Variants in TIAM1 observed in about 807,000 individuals in gnomAD.
TIAM1 encodes TIAM Rac1 associated GEF 1.
TIAM1 carries 65 observed loss-of-function variants against 163.5 expected under a neutral mutation model. The ratio of observed to expected loss-of-function variants is 0.40; its 90% CI spans 0.33 to 0.49. The LOEUF (loss-of-function observed/expected upper bound fraction) is 0.49. Ranked by LOEUF, TIAM1 falls within the 20% of genes least tolerant of loss-of-function variation. TIAM1 has a pLI of 0.77. For missense variants in TIAM1, 1,789 were observed against 2,044.7 expected, an observed-to-expected ratio of 0.87 and a Z score of 2.41; for synonymous variants, 833 against 810.1, an observed-to-expected ratio of 1.03 and a Z score of -0.48.
intron 12 of TIAM1, among the ~76,000 whole-genome samples, chr21:31,199,624 G>C (rs918985693): frequency 1.9e-4 from 29 of 150,866 alleles, no homozygotes; most frequent in Non-Finnish European, 3.8e-4. Context: ...TCCGCCTCCC[G>C]GGTTCAAGCA....
At chr21:31,532,854 A>G (rs970965698) in intron 1 of TIAM1, among the ~76,000 whole-genome samples, 11 of 152,096 alleles carry the variant, frequency 7.2e-5, no homozygotes, top group Non-Finnish European at 1.6e-4. Flanking sequence ...CGGGGAGGTA[A>G]AAGGATCCTT....
At chr21:31,358,035 C>T (rs2076344844) in intron 2 of TIAM1, among the ~76,000 whole-genome samples, 1 of 152,212 alleles carries the variant, frequency 6.6e-6, no homozygotes, top group Non-Finnish European at 1.5e-5. Flanking sequence ...GGTAGATCCA[C>T]TGTCCCGATC....
chr21:31,255,100 G>A (rs1343788611), intron 4 of TIAM1, among the ~76,000 whole-genome samples: 1 of 152,136 alleles, frequency 6.6e-6, no homozygotes, highest in Non-Finnish European at 1.5e-5. Flanking sequence ...TCAACTCTGG[G>A]ACAACCACTA....
At chr21:31,192,277 T>C (rs1394320250) in intron 13 of TIAM1, among the ~76,000 whole-genome samples, 1 of 152,126 alleles carries the variant, frequency 6.6e-6, no homozygotes, top group Admixed American at 6.6e-5. Flanking sequence ...GAATGTAATA[T>C]CCCAGTGCTC....
chr21:31,419,840 C>A lies in TIAM1; in HGVS notation c.-369+44143G>T, dbSNP rs1449336943. Among the ~76,000 whole-genome samples, 8 of 152,294 alleles carry A rather than the reference C, an allele frequency of 5.3e-5. No individual in the cohort carries two copies. The East Asian group carries it at 1.5e-3, about 29-fold the overall frequency. Reference sequence around the variant, plus strand: ...TCAAGGCGGGTGGATCACCTGAGGTCAGGAGTTCAAGACCAGCCTAGCCAA... The same window carrying A: ...TCAAGGCGGGTGGATCACCTGAGGTAAGGAGTTCAAGACCAGCCTAGCCAA... On this transcript the variant is annotated intron_variant, in intron 2 of 28. Coordinates refer to the TIAM1 transcript ENST00000286827.
intron 2 of TIAM1, among the ~76,000 whole-genome samples, chr21:31,391,612 A>C (rs560869921): frequency 2.0e-4 from 31 of 152,232 alleles, no homozygotes; most frequent in African/African-American, 5.5e-4. Flanking sequence ...GTGACAGAGC[A>C]AGACTCTGTC....
chr21:31,147,714 T>G (rs1235546150), intron 19 of TIAM1, among the ~76,000 whole-genome samples: 2 of 144,354 alleles, frequency 1.4e-5, no homozygotes, highest in East Asian at 2.0e-4. Context: ...ATATTTTATA[T>G]AATATATAAA....
At chr21:31,289,177 GA>G (rs1484142426) in intron 2 of TIAM1, among the ~76,000 whole-genome samples, 3 of 152,194 alleles carry the variant, frequency 2.0e-5, no homozygotes, top group Non-Finnish European at 4.4e-5. Flanking sequence ...ACACCATGCA[GA>G]TCTCAGGCAA....
chr21:31,132,433 C>T, intron 23 of TIAM1, among the ~76,000 whole-genome samples: 1 of 152,208 alleles, frequency 6.6e-6, no homozygotes, highest in East Asian at 1.9e-4. Flanking sequence ...GAGGAGGCCA[C>T]ACCAGCTCTT....
chr21:31,536,899 T>C (rs931223372), intron 1 of TIAM1, among the ~76,000 whole-genome samples: 7 of 152,222 alleles, frequency 4.6e-5, no homozygotes, highest in Non-Finnish European at 7.3e-5. Flanking sequence ...GGGCATTAGC[T>C]TCCTAGGCCT....
chr21:31,439,561 A>G (rs574164240), intron 2 of TIAM1, among the ~76,000 whole-genome samples: 2 of 152,364 alleles, frequency 1.3e-5, no homozygotes, highest in East Asian at 1.9e-4. Context: ...AAGTGCTGGC[A>G]TTACAGGCAT....
intron 2 of TIAM1, among the ~76,000 whole-genome samples, chr21:31,311,928 G>C (rs796486413): frequency 2.5e-4 from 38 of 152,316 alleles, no homozygotes; most frequent in African/African-American, 9.1e-4. Flanking sequence ...GAAGAACATG[G>C]AGGGGACTAG....
At chr21:31,159,248 T>C (rs2083778427) in intron 16 of TIAM1, among the ~76,000 whole-genome samples, 1 of 152,004 alleles carries the variant, frequency 6.6e-6, no homozygotes, top group Admixed American at 6.6e-5. Flanking sequence ...GAGAGGACAA[T>C]GGCAAGAGGA....
At chr21:31,125,221 TAAAAA>T (rs397866589) in intron 26 of TIAM1, among the ~76,000 whole-genome samples, 1 of 137,816 alleles carries the variant, frequency 7.3e-6, no homozygotes, top group African/African-American at 2.7e-5. Context: ...TTCTCATGGT[TAAAAA>T]AAAAAAAAAA....
chr21:31,473,806 T>C (rs1292204570), intron 1 of TIAM1, among the ~76,000 whole-genome samples: 4 of 152,104 alleles, frequency 2.6e-5, no homozygotes, highest in Non-Finnish European at 5.9e-5. Flanking sequence ...AAATCACTAT[T>C]TTCCCCTCCT....
chr21:31,311,182 T>C (rs1321273442), intron 2 of TIAM1, among the ~76,000 whole-genome samples: 1 of 151,942 alleles, frequency 6.6e-6, no homozygotes, highest in African/African-American at 2.4e-5. Context: ...GTTTTTTTTT[T>C]TGTCAAATTT....
intron 1 of TIAM1, among the ~76,000 whole-genome samples, chr21:31,539,106 A>C (rs967481): frequency 2.6e-5 from 4 of 152,220 alleles, no homozygotes; most frequent in Admixed American, 2.6e-4. Flanking sequence ...ACTCTTAAAC[A>C]TCCATTTGCC....
chr21:31,165,544 C>T (rs1019312010), intron 15 of TIAM1, among the ~76,000 whole-genome samples: 3 of 152,148 alleles, frequency 2.0e-5, no homozygotes, highest in South Asian at 4.1e-4. Flanking sequence ...CACCAGGAAA[C>T]TGAATTGGTT....
intron 13 of TIAM1, among the ~76,000 whole-genome samples, chr21:31,193,770 G>A (rs2085686241): frequency 6.6e-6 from 1 of 152,148 alleles, no homozygotes; most frequent in Non-Finnish European, 1.5e-5. Flanking sequence ...CAAGCAAGCT[G>A]GAAGCTTACA....
Sources: allele counts gnomAD v4.1 joint callset (sites outside exome capture counted in the v4.1 genomes callset), GRCh38; gene constraint gnomAD v4.1.1; transcripts MANE v1.5; gene names NCBI Gene and HGNC (gene_info 2026-07-23, HGNC 2026-07-21).